SEMA3A: variants seen among roughly 807,000 people sequenced by gnomAD.
SEMA3A encodes the protein semaphorin 3A.
Under a neutral mutation model 97.9 loss-of-function variants are expected in SEMA3A, and 29 were observed. That is an observed-to-expected ratio of 0.30 (90% CI 0.22 to 0.40). SEMA3A has a LOEUF of 0.40. Ranked by LOEUF, SEMA3A falls within the 10% of genes least tolerant of loss-of-function variation. The pLI is 1.00. For missense variants in SEMA3A, 763 were observed against 951.3 expected (o/e 0.80, Z 2.60); for synonymous variants, 321 against 323.7 (o/e 0.99, Z 0.09).
At chr7:84,292,406 C>G (rs1290594107) in intron 3 of SEMA3A, among the ~76,000 whole-genome samples, 1 of 150,494 alleles carries the variant, frequency 6.6e-6, no homozygotes, top group Non-Finnish European at 1.5e-5. Flanking sequence ...ATAATTTATT[C>G]AGAATTGAGT....
intron 5 of SEMA3A, among the ~76,000 whole-genome samples, chr7:84,055,104 C>A (rs539622290): frequency 3.9e-4 from 59 of 151,530 alleles, no homozygotes; most frequent in East Asian, 3.4e-3. Flanking sequence ...CTGCTCTCTT[C>A]AAAGCTGTCA....
intron 4 of SEMA3A, among the ~76,000 whole-genome samples, chr7:84,096,262 T>A (rs916838292): frequency 3.3e-5 from 5 of 152,108 alleles, no homozygotes; most frequent in Non-Finnish European, 7.4e-5. Context: ...AGATACTTTT[T>A]AACTAATTCG....
intron 2 of SEMA3A, among the ~76,000 whole-genome samples, chr7:84,329,730 T>C (rs1056695688): frequency 1.3e-5 from 2 of 152,096 alleles, no homozygotes; most frequent in Non-Finnish European, 2.9e-5. Context: ...AGTGCTACAT[T>C]ATATTTTCTA....
intron 15 of SEMA3A, among the ~76,000 whole-genome samples, chr7:83,965,623 G>A (rs1210385484): frequency 1.1e-4 from 8 of 71,520 alleles, no homozygotes; most frequent in Non-Finnish European, 4.9e-5. Context: ...AACACCAATG[G>A]GTGCATATAT....
intron 1 of SEMA3A, among the ~76,000 whole-genome samples, chr7:84,148,556 G>A (rs959796855): frequency 1.3e-5 from 2 of 152,052 alleles, no homozygotes; most frequent in Admixed American, 6.6e-5. Flanking sequence ...ATTTTGGAGT[G>A]GACACATTTT....
chr7:84,255,132 T>C (rs1401984557), intron 3 of SEMA3A, among the ~76,000 whole-genome samples: 2 of 152,142 alleles, frequency 1.3e-5, no homozygotes, highest in Non-Finnish European at 2.9e-5. Context: ...TATGTATGAG[T>C]CCTTGTCCAT....
intron 1 of SEMA3A, among the ~76,000 whole-genome samples, chr7:84,424,931 T>G (rs1412895606): frequency 2.1e-5 from 2 of 96,174 alleles, no homozygotes; most frequent in African/African-American, 4.5e-5. Context: ...ATATTTATAT[T>G]TATATAAATA....
At chr7:84,311,369 G>C in intron 2 of SEMA3A, among the ~76,000 whole-genome samples, 1 of 151,898 alleles carries the variant, frequency 6.6e-6, no homozygotes, top group Non-Finnish European at 1.5e-5. Context: ...AGTAAATGAA[G>C]GAATGTGCTC....
chr7:84,288,765 AT>A (rs1800661717), intron 3 of SEMA3A, among the ~76,000 whole-genome samples: 1 of 152,122 alleles, frequency 6.6e-6, no homozygotes, highest in East Asian at 1.9e-4. Flanking sequence ...CTTGGCTTAT[AT>A]ATTGTTTGGT....
At chr7:84,220,332 T>C (rs1003179865) in intron 3 of SEMA3A, among the ~76,000 whole-genome samples, 2 of 152,194 alleles carry the variant, frequency 1.3e-5, no homozygotes, top group Non-Finnish European at 2.9e-5. Flanking sequence ...TTTCCTCCAC[T>C]GAAGTCTTAA....
chr7:84,109,281 A>T (rs1244888830), intron 4 of SEMA3A, among the ~76,000 whole-genome samples: 1 of 152,204 alleles, frequency 6.6e-6, no homozygotes, highest in Non-Finnish European at 1.5e-5. Context: ...GTTACTTTTT[A>T]CTTAAAATTC....
At chr7:84,092,417 C>G (rs1038801638) in intron 4 of SEMA3A, among the ~76,000 whole-genome samples, 2 of 152,112 alleles carry the variant, frequency 1.3e-5, no homozygotes, top group Non-Finnish European at 2.9e-5. Context: ...CCACTTCCTT[C>G]CTGTGCGGGG....
chr7:84,407,923 C>A (rs1283866702), intron 1 of SEMA3A, among the ~76,000 whole-genome samples: 1 of 152,142 alleles, frequency 6.6e-6, no homozygotes, highest in African/African-American at 2.4e-5. Flanking sequence ...ACATGTTAGA[C>A]CTAAAACCAT....
chr7:84,135,000 T>C (rs768133649), intron 1 of SEMA3A, 49 bp from the exon 2 acceptor site: 3 of 1,504,008 alleles, frequency 2.0e-6, no homozygotes, highest in Non-Finnish European at 2.7e-6. Context: ...AAGCACTATA[T>C]AAGCATAGAC....
At chr7:84,047,392 G>A (rs1384306285) in intron 5 of SEMA3A, among the ~76,000 whole-genome samples, 1 of 152,006 alleles carries the variant, frequency 6.6e-6, no homozygotes, top group East Asian at 1.9e-4. Flanking sequence ...ATCTCATAAT[G>A]TAAATAATGT....
chr7:84,397,366 A>G (rs1156945035), intron 1 of SEMA3A, among the ~76,000 whole-genome samples: 2 of 149,788 alleles, frequency 1.3e-5, no homozygotes, highest in African/African-American at 2.4e-5. Context: ...AAATCTATGC[A>G]TTGCCAAAAC....
At chr7:84,041,896 C>G (rs1213907834) in intron 6 of SEMA3A, among the ~76,000 whole-genome samples, 2 of 152,024 alleles carry the variant, frequency 1.3e-5, no homozygotes, top group African/African-American at 4.8e-5. Context: ...TTATGCAAAA[C>G]TAGATGATCT....
At chr7:84,045,248 A>G (rs1348710582) in intron 6 of SEMA3A, among the ~76,000 whole-genome samples, 2 of 151,998 alleles carry the variant, frequency 1.3e-5, no homozygotes, top group East Asian at 1.9e-4. Flanking sequence ...ATATTCAGGC[A>G]TCTTACTGAG....
chr7:84,229,968 C>T (rs1482205791), intron 3 of SEMA3A, among the ~76,000 whole-genome samples: 1 of 151,986 alleles, frequency 6.6e-6, no homozygotes, highest in African/African-American at 2.4e-5. Flanking sequence ...CTGGGACTGG[C>T]TCTGATCTTA....
Sources: allele counts gnomAD v4.1 joint callset (sites outside exome capture counted in the v4.1 genomes callset), GRCh38; gene constraint gnomAD v4.1.1; transcripts MANE v1.5; gene names NCBI Gene and HGNC (gene_info 2026-07-23, HGNC 2026-07-21).